Variants in B4GALT2 observed in about 807,000 individuals in gnomAD.
The protein encoded by B4GALT2 is beta-1,4-galactosyltransferase 2.
B4GALT2 carries 18 observed loss-of-function variants against 33.2 expected under a neutral mutation model. The observed-to-expected ratio is 0.54, with a 90% CI of 0.38 to 0.80. The LOEUF is 0.80. Among genes scored for constraint, B4GALT2 ranks in the 30% least tolerant of loss-of-function variants. B4GALT2 has a pLI of 0.00. For missense variants in B4GALT2, 404 were observed against 526.2 expected, an observed-to-expected ratio of 0.77 and a Z score of 2.27; for synonymous variants, 214 against 217.6, an observed-to-expected ratio of 0.98 and a Z score of 0.15.
intron 6 of B4GALT2, 121 bp downstream of exon 6, chr1:43,985,742 C>A: frequency 1.1e-6 from 1 of 895,766 alleles, no homozygotes; most frequent in Non-Finnish European, 1.8e-6. Flanking sequence ...TCCTTGACTC[C>A]AAAAAGGTGA....
chr1:43,987,574 G>C (rs567554746), intron 6 of B4GALT2, among the ~76,000 whole-genome samples: 1 of 152,268 alleles, frequency 6.6e-6, no homozygotes, highest in East Asian at 1.9e-4. Flanking sequence ...ACATATTTGA[G>C]TCCATTTGCT....
chr1:43,982,571 C>G lies in B4GALT2; in HGVS notation c.549+647C>G, dbSNP rs2085612682. Among the ~76,000 whole-genome samples the G allele has an allele frequency of 1.3e-5, 2 of 152,168 alleles. No homozygotes were observed. Among genetic ancestry groups the G allele is most frequent in the African/African-American group, 4.8e-5 (2 of 41,434 alleles). On this transcript the variant is annotated intron_variant, in intron 3 of 6. Coordinates refer to ENST00000372324, the MANE Select transcript of B4GALT2 (RefSeq NM_003780.5). This position sits in a 1 kb window ranked among gnomAD's most constrained non-coding sequence, Gnocchi z 4.3. ...GAGCAGGCATCAGGGGCTGCAGAAG[C>G]CAGCATTCTAGGCAGAGGGACCTGG...
At chr1:43,989,570 A>G (rs1347772116) in intron 6 of B4GALT2, among the ~76,000 whole-genome samples, 1 of 152,232 alleles carries the variant, frequency 6.6e-6, no homozygotes, top group Non-Finnish European at 1.5e-5. Flanking sequence ...TGCATATCGA[A>G]CAAACATGCA....
Position 43,990,632 on chromosome 1 carries a change from T to G in B4GALT2, c.*184T>G. The stretch of plus-strand genomic sequence containing the variant: ...AACCCACTTTGGGGGGCCTCCTGCC[T>G]GGGCAGGCTCTTCAAGTGTGGCCCT... On this transcript the variant is annotated 3_prime_UTR_variant, in exon 7 of 7. Coordinates refer to ENST00000372324, the MANE Select transcript of B4GALT2 (RefSeq NM_003780.5). 1 of 797,442 alleles carries G rather than the reference T, an allele frequency of 1.3e-6. No homozygotes were observed. Among genetic ancestry groups the G allele is most frequent in the Non-Finnish European group, 1.9e-6 (1 of 516,002 alleles). The allele number at this position is 797,442 out of a possible 1,614,324, so 49.4% of individuals were successfully genotyped here. A position where few individuals can be genotyped will look rare whatever the true frequency, so the allele number is the denominator to read the frequency against.
In B4GALT2 at chr1:43,981,660, C is replaced by A. The variant is rs1205250313; in HGVS notation, c.314-29C>A. 2 of 1,582,430 alleles carry A rather than the reference C, an allele frequency of 1.3e-6. No homozygotes were observed. Among genetic ancestry groups the A allele is most frequent in the East Asian group, 2.2e-5 (1 of 44,490 alleles). On this transcript the variant is annotated intron_variant, in intron 2 of 6. Coordinates refer to ENST00000372324, the MANE Select transcript of B4GALT2 (RefSeq NM_003780.5). This position sits in a 1 kb window ranked among gnomAD's most constrained non-coding sequence, Gnocchi z 8.1. Reference sequence around the variant, plus strand: ...GGTATCTGTGGATTCTGGCCAATGCCCTGATTCCTGACACTGTCCTGTCTG... The same window carrying A: ...GGTATCTGTGGATTCTGGCCAATGCACTGATTCCTGACACTGTCCTGTCTG...
rs2231281 is a variant in B4GALT2 at position 43,980,814 on chromosome 1, G to A, written c.-52-295G>A. Among the ~76,000 whole-genome samples, 579 of 152,278 alleles carry A rather than the reference G, an allele frequency of 3.8e-3. 6 individuals carry two copies. The highest frequency in any genetic ancestry group is 0.013 in the African/African-American group (536 of 41,550). On this transcript the variant is annotated intron_variant, in intron 1 of 6. Transcript: ENST00000372324. ...TTCCTGGGAATGCGTGAGTGTGTGT[G>A]TAGAGTTGTGCAATAAGGGTGAGTG...
chr1:43,987,138 G>GT (rs2085667553), intron 6 of B4GALT2, among the ~76,000 whole-genome samples: 6 of 152,194 alleles, frequency 3.9e-5, no homozygotes, highest in Non-Finnish European at 8.8e-5. Flanking sequence ...AGGGCATCTG[G>GT]GGAGGAGTGG....
chr1:43,981,457 C>T lies in B4GALT2; in HGVS notation c.297C>T (p.Asp99=), dbSNP rs2085595895. The change falls in exon 2 of 7, where the codon GAC becomes GAT. Residue 99 remains aspartate, a synonymous_variant. Coordinates refer to ENST00000372324, the MANE Select transcript of B4GALT2 (RefSeq NM_003780.5). The surrounding 1 kb of genome is among the most constrained non-coding windows in gnomAD (Gnocchi z 8.1). ...PTAPTLPPCP[D]SPPGLVGRLL... ...CTCCCACGCTGCCACCCTGTCCTGACTCGCCACCTGGTCTTGGTGAGCCTG... is the reference window on the plus strand; with the variant it reads ...CTCCCACGCTGCCACCCTGTCCTGATTCGCCACCTGGTCTTGGTGAGCCTG... 1 of 1,582,824 alleles carries T rather than the reference C, an allele frequency of 6.3e-7. No homozygotes were observed. The highest frequency in any genetic ancestry group is 8.6e-7 in the Non-Finnish European group (1 of 1,168,366).
At chr1:43,985,832 C>A (rs962042725) in intron 6 of B4GALT2, 18 of 600,514 alleles carry the variant, frequency 3.0e-5, no homozygotes, top group Non-Finnish European at 2.7e-5. Flanking sequence ...CCCCCAACCC[C>A]CAGCCCAGCC....
At position 43,990,713 on chromosome 1, in the gene B4GALT2, G is replaced by T. The variant is rs1167612877; in HGVS notation, c.*265G>T. 2 of 505,872 alleles carry T rather than the reference G, an allele frequency of 4.0e-6. No individual in the cohort carries two copies. The highest frequency in any genetic ancestry group is 3.3e-5 in the Admixed American group (1 of 30,684). 31.3% of individuals were successfully genotyped at this position (505,872 alleles called of 1,614,324 possible). The stretch of plus-strand genomic sequence containing the variant: ...TCCCCCTAGCCCAGCCCCAGTCACT[G>T]TCAGGGTCGGGCCAGCCCCTGCACT... On this transcript the variant is annotated 3_prime_UTR_variant, in exon 7 of 7. Transcript: ENST00000372324.
At position 43,979,336 on chromosome 1, in the gene B4GALT2, C is replaced by CGCGGCGGCGGCGGCG. The variant is rs747683462; in HGVS notation, c.-214_-200dup. ...CCCGGGGCGGCTCGGCTCCATGGCCCGCGGCGGCGGCGGCGGCGGCGGCGG... is the reference window on the plus strand; with the variant it reads ...CCCGGGGCGGCTCGGCTCCATGGCCCGCGGCGGCGGCGGCGGCGGCGGCGGCGGCGGCGGCGGCGG... On this transcript the variant is annotated 5_prime_UTR_variant, in exon 1 of 7. Transcript: ENST00000372324. The surrounding 1 kb of genome is among the most constrained non-coding windows in gnomAD (Gnocchi z 4.8). 2 of 146,446 alleles carry CGCGGCGGCGGCGGCG rather than the reference C, an allele frequency of 1.4e-5. No individual in the cohort carries two copies. Among genetic ancestry groups the CGCGGCGGCGGCGGCG allele is most frequent in the African/African-American group, 2.5e-5 (1 of 40,348 alleles). The allele number at this position is 146,446 out of a possible 1,614,324, so 9.1% of individuals were successfully genotyped here.
rs71036648 is a variant in B4GALT2 at position 43,988,846 on chromosome 1, C to CAAA, written c.969-1433_969-1431dup. Among the ~76,000 whole-genome samples the CAAA allele has an allele frequency of 3.7e-3, 348 of 94,960 alleles. 9 individuals are homozygous for CAAA. Among genetic ancestry groups the CAAA allele is most frequent in the African/African-American group, 0.014 (311 of 22,456 alleles). 62.3% of individuals were successfully genotyped at this position (94,960 alleles called of 152,430 possible). ...TAGGCAACAGAGCAAGACTCTGTCT[C>CAAA]AAAAAAAAAAAAAAAAAAAAAGTCT... is the stretch of plus-strand genomic sequence containing the variant. On this transcript the variant is annotated intron_variant, in intron 6 of 6. Coordinates refer to ENST00000372324, the MANE Select transcript of B4GALT2 (RefSeq NM_003780.5).
rs1004294623 is a variant in B4GALT2 at position 43,982,255 on chromosome 1, C to G, written c.549+331C>G. ...GTTAGACCCTGAAAGAAGGATGAAG[C>G]CTGTAGAACCCTTTGGGGTAGGTGC... On this transcript the variant is annotated intron_variant, in intron 3 of 6. Coordinates refer to ENST00000372324, the MANE Select transcript of B4GALT2 (RefSeq NM_003780.5). The surrounding 1 kb of genome is among the most constrained non-coding windows in gnomAD (Gnocchi z 4.3). 6.6e-6 allele frequency among the ~76,000 whole-genome samples: 1 copy of G among 152,098 alleles called. No homozygotes were observed. The highest frequency in any genetic ancestry group is 1.5e-5 in the Non-Finnish European group (1 of 68,006).
chr1:43,985,207 G>T, intron 4 of B4GALT2, 71 bp from the exon 5 acceptor site: 1 of 1,569,108 alleles, frequency 6.4e-7, no homozygotes, highest in Non-Finnish European at 8.7e-7. Flanking sequence ...CATTCCCCCC[G>T]ACCTGGTCTC....
In B4GALT2 at chr1:43,981,498, C is replaced by T. The variant is rs773804993; in HGVS notation, c.313+25C>T. The T allele has an allele frequency of 2.6e-6, 4 of 1,548,496 alleles. No homozygotes were observed. The highest frequency in any genetic ancestry group is 2.6e-6 in the Non-Finnish European group (3 of 1,151,662). ...GGTGAGCCTGGAGGGTAGGGCCTGC[C>T]TGTGGGGAAACAGGGTTTTATTGGT... On this transcript the variant is annotated intron_variant, in intron 2 of 6. Transcript: ENST00000372324. This position sits in a 1 kb window ranked among gnomAD's most constrained non-coding sequence, Gnocchi z 8.1.
chr1:43,980,063 G>T, intron 1 of B4GALT2: 1 of 1,492,432 alleles, frequency 6.7e-7, no homozygotes, highest in Admixed American at 2.1e-5. Flanking sequence ...GTGGGACTTA[G>T]TGTGTTACTG....
chr1:43,990,454 A>G lies in B4GALT2; in HGVS notation c.*6A>G, dbSNP rs1230588310. On this transcript the variant is annotated 3_prime_UTR_variant, in exon 7 of 7. Coordinates refer to ENST00000372324, the MANE Select transcript of B4GALT2 (RefSeq NM_003780.5). ...CGTGGCCCCCTCGGGGCTGACACTA[A>G]TGGACAGAGGCTCTCGGTGCCGAAG... The G allele has an allele frequency of 2.5e-6, 4 of 1,614,064 alleles. No individual in the cohort carries two copies. The highest frequency in any genetic ancestry group is 3.4e-6 in the Non-Finnish European group (4 of 1,179,986).
chr1:43,985,084 G>C (rs1316993572), intron 4 of B4GALT2, 29 bp downstream of exon 4: 1 of 1,606,510 alleles, frequency 6.2e-7, no homozygotes, highest in Non-Finnish European at 8.5e-7. Context: ...GCTGGACCCA[G>C]CCCTCCTGCC....
chr1:43,982,161 C>T lies in B4GALT2; in HGVS notation c.549+237C>T, dbSNP rs1487042142. ...GCCCCACTCTCTACCCTTGGCAGGC[C>T]TCACCCCATGGTGGTGCAGGCCTTG... On this transcript the variant is annotated intron_variant, in intron 3 of 6. Coordinates refer to ENST00000372324, the MANE Select transcript of B4GALT2 (RefSeq NM_003780.5). The surrounding 1 kb of genome is among the most constrained non-coding windows in gnomAD (Gnocchi z 4.3). Among the ~76,000 whole-genome samples the T allele has an allele frequency of 6.6e-6, 1 of 152,200 alleles. No individual in the cohort carries two copies. Among genetic ancestry groups the T allele is most frequent in the African/African-American group, 2.4e-5 (1 of 41,448 alleles).
Sources: allele counts gnomAD v4.1 joint callset (sites outside exome capture counted in the v4.1 genomes callset), GRCh38; gene constraint gnomAD v4.1.1; non-coding constraint Gnocchi (gnomAD v3.1); transcripts MANE v1.5; gene names NCBI Gene and HGNC (gene_info 2026-07-23, HGNC 2026-07-21).